CARMIL1: variants seen among roughly 807,000 people sequenced by gnomAD.
CARMIL1 encodes capping protein regulator and myosin 1 linker 1, also known as F-actin-uncapping protein LRRC16A.
A neutral mutation model predicts 177.1 loss-of-function variants in CARMIL1; 90 were observed. The ratio of observed to expected loss-of-function variants is 0.51; its 90% CI spans 0.43 to 0.61. CARMIL1 has a LOEUF of 0.61. Among genes scored for constraint, CARMIL1 ranks in the 20% least tolerant of loss-of-function variants. The pLI, the probability that CARMIL1 is intolerant of heterozygous loss-of-function variation, is 0.00. For missense variants in CARMIL1, 1,380 were observed against 1,667.0 expected (o/e 0.83, Z 3.00); for synonymous variants, 577 against 606.2 (o/e 0.95, Z 0.71).
chr6:25,395,731 C>G (rs1003497423), intron 2 of CARMIL1, among the ~76,000 whole-genome samples: 1 of 152,178 alleles, frequency 6.6e-6, no homozygotes, highest in African/African-American at 2.4e-5. Flanking sequence ...TCTTAGCATT[C>G]CTCAAAAGTT....
intron 20 of CARMIL1, among the ~76,000 whole-genome samples, chr6:25,512,656 A>T (rs1805568615): frequency 6.6e-6 from 1 of 152,174 alleles, no homozygotes; most frequent in Admixed American, 6.5e-5. Context: ...TGACCAGCCT[A>T]TGGAATACCT....
chr6:25,284,867 A>G lies in CARMIL1; in HGVS notation c.96A>G (p.Val32=), dbSNP rs1045700680. Residue 32 remains valine, a synonymous_variant, in exon 2 of 37, where the codon GTA becomes GTG. Coordinates refer to ENST00000329474, the MANE Select transcript of CARMIL1 (RefSeq NM_017640.6). Reference sequence around the variant, plus strand: ...TAAAAATTTCAGTGAAGAAGAAAGTAAAGTTGGAAGTTAAGGGAGACAAAG... The same window carrying G: ...TAAAAATTTCAGTGAAGAAGAAAGTGAAGTTGGAAGTTAAGGGAGACAAAG... ...RKIKISVKKK[V]KLEVKGDKVE... 3 of 1,574,724 alleles carry G rather than the reference A, an allele frequency of 1.9e-6. No homozygotes were observed. Among genetic ancestry groups the G allele is most frequent in the Non-Finnish European group, 2.6e-6 (3 of 1,158,198 alleles).
chr6:25,541,013 G>C (rs981527850), intron 26 of CARMIL1, among the ~76,000 whole-genome samples: 2 of 152,158 alleles, frequency 1.3e-5, no homozygotes, highest in African/African-American at 2.4e-5. Flanking sequence ...ATCCTGAGCA[G>C]AGACAAATGG....
intron 2 of CARMIL1, among the ~76,000 whole-genome samples, chr6:25,418,689 T>TAG (rs1795574926): frequency 1.3e-5 from 2 of 152,192 alleles, no homozygotes; most frequent in African/African-American, 4.8e-5. Context: ...AAGGCACTGG[T>TAG]TGCCTACACT....
intron 2 of CARMIL1, among the ~76,000 whole-genome samples, chr6:25,324,985 C>T (rs901001076): frequency 1.4e-4 from 21 of 151,988 alleles, no homozygotes; most frequent in African/African-American, 5.1e-4. Context: ...CATGCAGAGC[C>T]TCTTAGGTCC....
chr6:25,400,110 C>G (rs573471919), intron 2 of CARMIL1, among the ~76,000 whole-genome samples: 1 of 152,282 alleles, frequency 6.6e-6, no homozygotes, highest in African/African-American at 2.4e-5. Context: ...TATTGTCTGA[C>G]TCATAGAATC....
intron 33 of CARMIL1, among the ~76,000 whole-genome samples, chr6:25,602,340 T>C (rs898519196): frequency 2.0e-5 from 3 of 152,220 alleles, no homozygotes; most frequent in Admixed American, 6.5e-5. Context: ...CAAGGAAATG[T>C]TAAAATTTTA....
chr6:25,418,190 G>A (rs1022131843), intron 2 of CARMIL1, among the ~76,000 whole-genome samples: 9 of 152,072 alleles, frequency 5.9e-5, no homozygotes, highest in African/African-American at 1.4e-4. Context: ...CCAGTTTCCC[G>A]GGATGCAGGA....
chr6:25,454,717 A>C (rs1167387796), intron 8 of CARMIL1, among the ~76,000 whole-genome samples: 1 of 152,206 alleles, frequency 6.6e-6, no homozygotes. Context: ...GACTGTTCTC[A>C]GTCCTTTTAG....
chr6:25,465,357 C>T (rs1800507846), intron 8 of CARMIL1, among the ~76,000 whole-genome samples: 1 of 151,814 alleles, frequency 6.6e-6, no homozygotes, highest in African/African-American at 2.4e-5. Context: ...GGGGAAACCC[C>T]ATCCATACAA....
At chr6:25,588,980 A>G (rs981923740) in intron 31 of CARMIL1, among the ~76,000 whole-genome samples, 16 of 152,240 alleles carry the variant, frequency 1.1e-4, no homozygotes, top group Admixed American at 9.2e-4. Context: ...AGTCGGCCCA[A>G]TGATGAAACA....
intron 12 of CARMIL1, among the ~76,000 whole-genome samples, chr6:25,487,384 C>G (rs1054387131): frequency 1.3e-5 from 2 of 152,162 alleles, no homozygotes; most frequent in African/African-American, 4.8e-5. Flanking sequence ...GAAAGAAAAC[C>G]TTTTCCTGGT....
At chr6:25,412,097 A>G (rs962032519) in intron 2 of CARMIL1, among the ~76,000 whole-genome samples, 2 of 152,218 alleles carry the variant, frequency 1.3e-5, no homozygotes, top group Non-Finnish European at 2.9e-5. Flanking sequence ...CTAAATCTGG[A>G]TAACTCTCTT....
At chr6:25,363,185 T>C in intron 2 of CARMIL1, among the ~76,000 whole-genome samples, 1 of 151,956 alleles carries the variant, frequency 6.6e-6, no homozygotes, top group Middle Eastern at 3.5e-3. Flanking sequence ...TATTAAAAAT[T>C]ATTTTTGACC....
rs544098442 is a variant in CARMIL1 at position 25,362,249 on chromosome 6, CTAAG to C, written c.139-57863_139-57860del. 3.2e-4 allele frequency among the ~76,000 whole-genome samples: 45 copies of C among 140,096 alleles called. No individual in the cohort carries two copies. In the South Asian group the frequency reaches 8.4e-3, roughly 26 times the overall value. 91.9% of individuals were successfully genotyped at this position (140,096 alleles called of 152,430 possible). A position where few individuals can be genotyped will look rare whatever the true frequency, so the allele number is the denominator to read the frequency against. ...GAAAGGAGTGCCTTTGTTTTCCTCA[CTAAG>C]TGAGAGATTAAAAAAGAAAATCAGT... On this transcript the variant is annotated intron_variant, in intron 2 of 36. Transcript: ENST00000329474.
intron 2 of CARMIL1, among the ~76,000 whole-genome samples, chr6:25,408,603 G>A (rs533777930): frequency 4.0e-4 from 61 of 152,274 alleles, no homozygotes; most frequent in African/African-American, 1.4e-3. Context: ...GCACACAGAG[G>A]TCTTTCTCAA....
chr6:25,536,320 G>T (rs1331932117), intron 24 of CARMIL1, among the ~76,000 whole-genome samples: 3 of 152,092 alleles, frequency 2.0e-5, no homozygotes, highest in African/African-American at 7.2e-5. Context: ...GCAGGGCATT[G>T]TGTAAATGCA....
intron 29 of CARMIL1, among the ~76,000 whole-genome samples, chr6:25,571,202 T>C (rs1178210343): frequency 6.6e-6 from 1 of 152,152 alleles, no homozygotes; most frequent in South Asian, 2.1e-4. Context: ...AAAGCAATGA[T>C]TAGCTCTAAA....
chr6:25,483,419 A>G (rs546014194), intron 12 of CARMIL1, among the ~76,000 whole-genome samples: 1 of 152,266 alleles, frequency 6.6e-6, no homozygotes, highest in East Asian at 1.9e-4. Context: ...AAATAACACT[A>G]TCTTATTTCT....
Sources: gnomAD v4.1 joint callset for allele counts (sites outside exome capture counted in the v4.1 genomes callset) on GRCh38, gnomAD v4.1.1 for gene constraint, MANE v1.5 for transcripts, NCBI Gene and HGNC (gene_info 2026-07-23, HGNC 2026-07-21) for gene names.